Variants in SLCO6A1 observed in about 807,000 individuals in gnomAD.
The protein encoded by SLCO6A1 is cancer/testis antigen 48.
A neutral mutation model predicts 72.7 loss-of-function variants in SLCO6A1; 65 were observed. The ratio of observed to expected loss-of-function variants is 0.89; its 90% CI spans 0.73 to 1.10. The LOEUF (loss-of-function observed/expected upper bound fraction) is 1.10, where lower values mean the gene tolerates loss of function less well. Ranked by LOEUF, SLCO6A1 falls within the 50% of genes least tolerant of loss-of-function variation. The probability of loss-of-function intolerance (pLI) is 0.00; values close to 1 mark genes in which losing one functional copy is unlikely to be tolerated. For synonymous variants in SLCO6A1, 314 were observed against 298.2 expected, an observed-to-expected ratio of 1.05 and a Z score of -0.55; for missense variants, 874 against 872.6, an observed-to-expected ratio of 1.00 and a Z score of -0.02.
chr5:102,390,918 T>G, intron 11 of SLCO6A1, 63 bp downstream of exon 11: 1 of 1,314,202 alleles, frequency 7.6e-7, no homozygotes. Context: ...TAAATACACA[T>G]GTAGACATAT....
chr5:102,458,022 G>A (rs979648926), intron 6 of SLCO6A1, among the ~76,000 whole-genome samples: 1 of 151,850 alleles, frequency 6.6e-6, no homozygotes, highest in East Asian at 1.9e-4. Flanking sequence ...AACACTGCAC[G>A]TTCTCACTCA....
chr5:102,441,566 C>T (rs6596494), intron 6 of SLCO6A1, among the ~76,000 whole-genome samples: 3,522 of 152,040 alleles, frequency 0.023, 96 homozygotes, highest in African/African-American at 0.068. Flanking sequence ...TAATCAGTTT[C>T]TCATTTTCTA....
chr5:102,442,531 C>T (rs150354626), intron 6 of SLCO6A1, among the ~76,000 whole-genome samples: 42 of 152,196 alleles, frequency 2.8e-4, no homozygotes, highest in African/African-American at 8.9e-4. Flanking sequence ...AAGGATTGCA[C>T]GGGATTACGA....
chr5:102,409,131 G>A (rs1329416151), intron 9 of SLCO6A1, among the ~76,000 whole-genome samples: 2 of 152,072 alleles, frequency 1.3e-5, no homozygotes, highest in African/African-American at 2.4e-5. Context: ...AGAAGAATAC[G>A]TGTGGTTCTC....
At chr5:102,396,284 T>G (rs1747078945) in intron 10 of SLCO6A1, among the ~76,000 whole-genome samples, 1 of 152,132 alleles carries the variant, frequency 6.6e-6, no homozygotes. Flanking sequence ...CCCAGCACCA[T>G]TTATTAAATA....
intron 7 of SLCO6A1, among the ~76,000 whole-genome samples, chr5:102,431,841 C>T (rs944423489): frequency 1.3e-5 from 2 of 152,240 alleles, no homozygotes; most frequent in Middle Eastern, 3.4e-3. Context: ...GTGTTGAAGT[C>T]TTCCACTATT....
At position 102,373,508 on chromosome 5, in the gene SLCO6A1, A is replaced by G; in HGVS notation, c.2018-14T>C. ...TGCAAAGAAAACCTAAATTTAAAAA[A>G]TGCAATGATCAGATATGTCCATGTA... On this transcript the variant is annotated splice_polypyrimidine_tract_variant and intron_variant, in intron 12 of 13. Coordinates refer to ENST00000506729, the MANE Select transcript of SLCO6A1 (RefSeq NM_173488.5). 1 of 1,448,320 alleles carries G rather than the reference A, an allele frequency of 6.9e-7. No individual in the cohort carries two copies. Among genetic ancestry groups the G allele is most frequent in the Non-Finnish European group, 9.1e-7 (1 of 1,098,408 alleles). 89.7% of individuals were successfully genotyped at this position (1,448,320 alleles called of 1,614,324 possible). A position where few individuals can be genotyped will look rare whatever the true frequency, so the allele number is the denominator to read the frequency against.
intron 1 of SLCO6A1, among the ~76,000 whole-genome samples, chr5:102,486,796 G>A (rs567761782): frequency 3.5e-4 from 53 of 152,098 alleles, no homozygotes; most frequent in Non-Finnish European, 6.2e-4. Flanking sequence ...CCAAAAATTC[G>A]TGTAAATATC....
At chr5:102,469,314 T>C (rs1336654069) in intron 4 of SLCO6A1, among the ~76,000 whole-genome samples, 1 of 152,196 alleles carries the variant, frequency 6.6e-6, no homozygotes, top group Non-Finnish European at 1.5e-5. Context: ...TTCTTCCATT[T>C]GTTTGTGTCC....
In SLCO6A1 at chr5:102,417,262, T is replaced by C. The variant is rs551679027; in HGVS notation, c.1472+2564A>G. ...AAATGCATTTATAAAATACAGCATA[T>C]ATAGTTGGGTCTTCTTTTTTTTTTC... On this transcript the variant is annotated intron_variant, in intron 8 of 13. Coordinates refer to ENST00000506729, the MANE Select transcript of SLCO6A1 (RefSeq NM_173488.5). Among the ~76,000 whole-genome samples, 17 of 152,198 alleles carry C rather than the reference T, an allele frequency of 1.1e-4. No homozygotes were observed. In the South Asian group the frequency reaches 3.1e-3, roughly 28 times the overall value.
chr5:102,485,110 G>C (rs557254654), intron 1 of SLCO6A1, among the ~76,000 whole-genome samples: 3 of 152,048 alleles, frequency 2.0e-5, no homozygotes, highest in African/African-American at 7.2e-5. Context: ...AATTAGCCAG[G>C]CTTGGTGGCA....
chr5:102,494,281 C>T (rs7729674), intron 1 of SLCO6A1, among the ~76,000 whole-genome samples: 1 of 151,870 alleles, frequency 6.6e-6, no homozygotes, highest in African/African-American at 2.4e-5. Flanking sequence ...AGTTCATTCA[C>T]AATGGATCAG....
At chr5:102,469,303 A>G (rs1751478380) in intron 4 of SLCO6A1, among the ~76,000 whole-genome samples, 1 of 152,022 alleles carries the variant, frequency 6.6e-6, no homozygotes, top group Non-Finnish European at 1.5e-5. Flanking sequence ...AGCATGGAAT[A>G]TTCTTCCATT....
chr5:102,376,432 C>T (rs7733695), intron 12 of SLCO6A1, among the ~76,000 whole-genome samples: 98,096 of 151,552 alleles, frequency 0.65, 31,933 homozygotes, highest in African/African-American at 0.67. Flanking sequence ...AAAAGATCAC[C>T]AATGGAGGGG....
At chr5:102,420,170 C>G (rs1748514633) in intron 7 of SLCO6A1, 149 bp from the exon 8 acceptor site, 3 of 720,298 alleles carry the variant, frequency 4.2e-6, no homozygotes, top group South Asian at 5.0e-5. Flanking sequence ...TGCTAAATAG[C>G]TTGACGAACC....
intron 10 of SLCO6A1, 128 bp downstream of exon 10, chr5:102,399,427 C>A: frequency 1.8e-6 from 1 of 555,578 alleles, no homozygotes; most frequent in Non-Finnish European, 2.8e-6. Flanking sequence ...GTCAATTTAA[C>A]AACTTTTCCT....
chr5:102,428,492 C>T (rs569543254), intron 7 of SLCO6A1, among the ~76,000 whole-genome samples: 8 of 152,160 alleles, frequency 5.3e-5, no homozygotes, highest in African/African-American at 1.9e-4. Context: ...GTATAAGCTG[C>T]TAGAGGACAT....
At chr5:102,380,353 G>A (rs1406329701) in intron 12 of SLCO6A1, among the ~76,000 whole-genome samples, 2 of 152,066 alleles carry the variant, frequency 1.3e-5, no homozygotes, top group East Asian at 1.9e-4. Context: ...AAAAGCATTA[G>A]ATGAGTCATC....
intron 3 of SLCO6A1, among the ~76,000 whole-genome samples, chr5:102,476,036 T>C (rs994359374): frequency 2.0e-5 from 3 of 152,080 alleles, no homozygotes; most frequent in Admixed American, 2.0e-4. Flanking sequence ...AATGATATAA[T>C]GGACTTTGGG....
Sources: allele counts gnomAD v4.1 joint callset (sites outside exome capture counted in the v4.1 genomes callset), GRCh38; gene constraint gnomAD v4.1.1; transcripts MANE v1.5; gene names NCBI Gene and HGNC (gene_info 2026-07-23, HGNC 2026-07-21).